The following BMPR2 variants were observed in gnomAD, a reference collection of about 807,000 sequenced individuals.
The protein encoded by BMPR2 is bone morphogenetic protein receptor type 2.
Under a neutral mutation model 100.8 loss-of-function variants are expected in BMPR2, and 29 were observed. The observed-to-expected ratio is 0.29, with a 90% CI of 0.21 to 0.39. The LOEUF is 0.39. Among genes scored for constraint, BMPR2 ranks in the 10% least tolerant of loss-of-function variants. The pLI, the probability that BMPR2 is intolerant of heterozygous loss-of-function variation, is 1.00. For missense variants in BMPR2, 1,011 were observed against 1,274.5 expected (o/e 0.79, Z 3.15); for synonymous variants, 382 against 442.3 (o/e 0.86, Z 1.71).
chr2:202,476,674 G>A (rs1320420053), intron 3 of BMPR2, among the ~76,000 whole-genome samples: 2 of 151,978 alleles, frequency 1.3e-5, no homozygotes, highest in East Asian at 1.9e-4. Flanking sequence ...CTGTAATCCC[G>A]GTTACTTGGG....
At chr2:202,392,089 GAA>G (rs1690562111) in intron 1 of BMPR2, among the ~76,000 whole-genome samples, 1 of 111,818 alleles carries the variant, frequency 8.9e-6, no homozygotes, top group Non-Finnish European at 1.8e-5. Flanking sequence ...TTTTTTTTTT[GAA>G]AGAAGTCTCG....
At chr2:202,398,012 C>G (rs986355619) in intron 1 of BMPR2, among the ~76,000 whole-genome samples, 1 of 151,318 alleles carries the variant, frequency 6.6e-6, no homozygotes, top group Non-Finnish European at 1.5e-5. Context: ...ATCACAGCTA[C>G]TCAGGAGCTA....
rs1298907066 is a variant in BMPR2 at position 202,471,126 on chromosome 2, AC to A, written c.418+3438del. Among the ~76,000 whole-genome samples, 9 of 152,320 alleles carry A rather than the reference AC, an allele frequency of 5.9e-5. No homozygotes were observed. The East Asian group carries it at 1.3e-3, about 23-fold the overall frequency. The stretch of plus-strand genomic sequence containing the variant: ...TATCATGGAGACTTGTCATAAGGAC[AC>A]AGGAGCCAGCTGGAAGGAACTCCCA... On this transcript the variant is annotated intron_variant, in intron 3 of 12. Transcript: ENST00000374580.
At chr2:202,484,674 A>G (rs1380421577) in intron 3 of BMPR2, among the ~76,000 whole-genome samples, 1 of 144,138 alleles carries the variant, frequency 6.9e-6, no homozygotes, top group African/African-American at 2.6e-5. Flanking sequence ...CTCTGTCTCA[A>G]AAAAGAAAAA....
rs1002102479 is a variant in BMPR2 at position 202,396,961 on chromosome 2, T to C, written c.76+19411T>C. ...TACAGTCATGCGCCACCACGCCTGGTTAATTTTGTATTTTTAGTAGAGTCG... is the reference window on the plus strand; with the variant it reads ...TACAGTCATGCGCCACCACGCCTGGCTAATTTTGTATTTTTAGTAGAGTCG... On this transcript the variant is annotated intron_variant, in intron 1 of 12. Coordinates refer to ENST00000374580, the MANE Select transcript of BMPR2 (RefSeq NM_001204.7). Among the ~76,000 whole-genome samples the C allele has an allele frequency of 9.1e-4, 139 of 151,974 alleles. 1 individual carries two copies. The highest frequency in any genetic ancestry group is 3.2e-3 in the African/African-American group (131 of 41,476).
Position 202,567,350 on chromosome 2 carries a change from C to T in BMPR2, c.*7404C>T, listed in dbSNP as rs1028170290. On this transcript the variant is annotated 3_prime_UTR_variant, in exon 13 of 13. Transcript: ENST00000374580. ...TCCTCAGAACCCTCTTTCTTGTTAACGGGTATCTTTTGTTGGTGTGTTTTG... is the reference window on the plus strand; with the variant it reads ...TCCTCAGAACCCTCTTTCTTGTTAATGGGTATCTTTTGTTGGTGTGTTTTG... 1 of 152,576 alleles carries T rather than the reference C, an allele frequency of 6.6e-6. No homozygotes were observed. The highest frequency in any genetic ancestry group is 1.5e-5 in the Non-Finnish European group (1 of 68,022). 9.5% of individuals were successfully genotyped at this position (152,576 alleles called of 1,614,324 possible). A position where few individuals can be genotyped will look rare whatever the true frequency, so the allele number is the denominator to read the frequency against.
intron 1 of BMPR2, among the ~76,000 whole-genome samples, chr2:202,433,041 T>A (rs1691538728): frequency 6.6e-6 from 1 of 150,500 alleles, no homozygotes. Flanking sequence ...AAGCAAGTCC[T>A]ATATCTAAAT....
chr2:202,465,728 G>A lies in BMPR2; in HGVS notation c.247+749G>A, dbSNP rs185212776. On this transcript the variant is annotated intron_variant, in intron 2 of 12. Coordinates refer to ENST00000374580, the MANE Select transcript of BMPR2 (RefSeq NM_001204.7). ...AGAAAATTAGCCGGGCGTGGTGGCG[G>A]GCGCCTGTAGTCCCAGCTACAGGCT... Among the ~76,000 whole-genome samples the A allele has an allele frequency of 7.1e-4, 108 of 152,008 alleles. 1 individual carries two copies. Among genetic ancestry groups the A allele is most frequent in the Admixed American group, 5.4e-3 (82 of 15,282 alleles).
chr2:202,561,024 TACTGTTTATTATA>T lies in BMPR2; in HGVS notation c.*1082_*1094del, dbSNP rs1437488176. The T allele has an allele frequency of 6.6e-6, 1 of 152,106 alleles. No individual in the cohort carries two copies. The highest frequency in any genetic ancestry group is 1.5e-5 in the Non-Finnish European group (1 of 67,990). 9.4% of individuals were successfully genotyped at this position (152,106 alleles called of 1,614,324 possible). A position where few individuals can be genotyped will look rare whatever the true frequency, so the allele number is the denominator to read the frequency against. On this transcript the variant is annotated 3_prime_UTR_variant, in exon 13 of 13. Coordinates refer to ENST00000374580, the MANE Select transcript of BMPR2 (RefSeq NM_001204.7). ...CATCTTTGACTCATAAAATTACCCT[TACTGTTTATTATA>T]ACTTCAGAAGTAATTTATAGTTCTG...
At chr2:202,432,789 A>G (rs1691533978) in intron 1 of BMPR2, among the ~76,000 whole-genome samples, 1 of 150,572 alleles carries the variant, frequency 6.6e-6, no homozygotes, top group Non-Finnish European at 1.5e-5. Context: ...ATTTTATCAT[A>G]TAGCATTGGC....
intron 3 of BMPR2, among the ~76,000 whole-genome samples, chr2:202,508,540 T>TA (rs1687568563): frequency 1.3e-5 from 2 of 152,268 alleles, no homozygotes. Context: ...GTCACCTATG[T>TA]AAATGTGAAC....
intron 1 of BMPR2, among the ~76,000 whole-genome samples, chr2:202,379,781 C>CT (rs1690232317): frequency 6.6e-6 from 1 of 152,122 alleles, no homozygotes. Context: ...TAAATCATTT[C>CT]TTTTGATTCC....
intron 1 of BMPR2, among the ~76,000 whole-genome samples, chr2:202,449,578 C>T (rs1268835782): frequency 6.6e-5 from 10 of 152,112 alleles, no homozygotes; most frequent in Non-Finnish European, 1.3e-4. Context: ...CTAAGTATGC[C>T]TCTGTGACCC....
chr2:202,557,437 T>G lies in BMPR2; in HGVS notation c.2866+906T>G, dbSNP rs552943188. Among the ~76,000 whole-genome samples, 12 of 149,278 alleles carry G rather than the reference T, an allele frequency of 8.0e-5. No individual in the cohort carries two copies. In the South Asian group the frequency reaches 2.3e-3, roughly 29 times the overall value. On this transcript the variant is annotated intron_variant, in intron 12 of 12. Transcript: ENST00000374580. ...GAGACTATGCCACTGCACTCCAGCC[T>G]GGGTGACAGAATGAAACTCTGTCTC...
In BMPR2 at chr2:202,467,594, T is replaced by C. The variant is rs776904933; in HGVS notation, c.323T>C (p.Ile108Thr). 2 of 1,593,760 alleles carry C rather than the reference T, an allele frequency of 1.3e-6. No homozygotes were observed. The highest frequency in any genetic ancestry group is 1.7e-6 in the Non-Finnish European group (2 of 1,161,478). Residue 108 changes from isoleucine to threonine, a missense_variant, in exon 3 of 13, where the codon ATT becomes ACT. Physicochemically the swap from Ile to Thr is moderately conservative, Grantham distance 89 (BLOSUM62 -1). Around this residue, in one of 6 missense-constraint regions of BMPR2, gnomAD observed 355 missense variants for 455.3 expected, o/e 0.78. Transcript: ENST00000374580. ...GTAGTAACTACCACTCCTCCCTCAA[T>C]TCAGAATGGAACATACCGTTTCTGC... ...ECVVTTTPPS[I>T]QNGTYRFCCC... is the part of the protein sequence containing the mutation.
chr2:202,560,066 A>G lies in BMPR2; in HGVS notation c.*120A>G. 8.1e-7 allele frequency: 1 copy of G among 1,240,328 alleles called. No individual in the cohort carries two copies. The highest frequency in any genetic ancestry group is 1.1e-6 in the Non-Finnish European group (1 of 890,844). 76.8% of individuals were successfully genotyped at this position (1,240,328 alleles called of 1,614,324 possible). A position where few individuals can be genotyped will look rare whatever the true frequency, so the allele number is the denominator to read the frequency against. On this transcript the variant is annotated 3_prime_UTR_variant, in exon 13 of 13. Coordinates refer to ENST00000374580, the MANE Select transcript of BMPR2 (RefSeq NM_001204.7). ...GTCAGCACCCCCTCCCACCCCTGCA[A>G]CAAAGACTTGCTTTAAATAGATTTC...
In BMPR2 at chr2:202,560,622, T is replaced by C. The variant is rs1688663583; in HGVS notation, c.*676T>C. The C allele has an allele frequency of 6.5e-6, 1 of 152,734 alleles. No homozygotes were observed. The highest frequency in any genetic ancestry group is 6.5e-5 in the Admixed American group (1 of 15,282). 9.5% of individuals were successfully genotyped at this position (152,734 alleles called of 1,614,324 possible). On this transcript the variant is annotated 3_prime_UTR_variant, in exon 13 of 13. Coordinates refer to ENST00000374580, the MANE Select transcript of BMPR2 (RefSeq NM_001204.7). ...GAGAAGCAGCTACCTGATTTCTTAC[T>C]TTCTCTCTCCTTATCATGGAGAATA...
intron 8 of BMPR2, among the ~76,000 whole-genome samples, chr2:202,531,930 A>ATTTT (rs71035015): frequency 0.21 from 11,049 of 52,296 alleles, 3,749 homozygotes; most frequent in East Asian, 0.4. Context: ...GCCCAGCTGT[A>ATTTT]TTTTTTTTTT....
chr2:202,383,108 G>A (rs1270775248), intron 1 of BMPR2, among the ~76,000 whole-genome samples: 1 of 152,194 alleles, frequency 6.6e-6, no homozygotes, highest in Non-Finnish European at 1.5e-5. Flanking sequence ...TGTGCATTAA[G>A]CAATTACCCA....
Sources: gnomAD v4.1 joint callset for allele counts (sites outside exome capture counted in the v4.1 genomes callset) on GRCh38, gnomAD v4.1.1 for gene constraint, gnomAD v4.1.1 regional missense constraint, MANE v1.5 for transcripts, NCBI Gene and HGNC (gene_info 2026-07-23, HGNC 2026-07-21) for gene names.